The following XRN2 variants were observed in gnomAD, a reference collection of about 807,000 sequenced individuals.
XRN2 encodes the protein DHM1-like protein.
A neutral mutation model predicts 138.5 loss-of-function variants in XRN2; 44 were observed. That is an observed-to-expected ratio of 0.32 (90% confidence interval 0.25 to 0.41). The LOEUF (loss-of-function observed/expected upper bound fraction) is 0.41, where lower values mean the gene tolerates loss of function less well. XRN2 is among the 10% of genes least tolerant of loss of function. The pLI is 1.00. For missense variants in XRN2, 937 were observed against 1,169.3 expected (o/e 0.80, Z 2.90); for synonymous variants, 354 against 369.4 (o/e 0.96, Z 0.48).
chr20:21,374,011 T>A (rs2038790840), intron 27 of XRN2, among the ~76,000 whole-genome samples: 3 of 152,330 alleles, frequency 2.0e-5, no homozygotes, highest in South Asian at 4.1e-4. Flanking sequence ...TTTGTACTCA[T>A]CTTGTAACTT....
At chr20:21,386,493 C>T (rs895936500) in intron 28 of XRN2, among the ~76,000 whole-genome samples, 2 of 152,132 alleles carry the variant, frequency 1.3e-5, no homozygotes, top group Admixed American at 6.5e-5. Flanking sequence ...GAAAATAAAG[C>T]CTCATTCTCC....
At chr20:21,384,371 T>C (rs999763306) in intron 28 of XRN2, among the ~76,000 whole-genome samples, 36 of 152,240 alleles carry the variant, frequency 2.4e-4, no homozygotes, top group African/African-American at 8.2e-4. Flanking sequence ...ATTTAAAATA[T>C]TCAAATTGGT....
intron 15 of XRN2, 82 bp from the exon 16 acceptor site, chr20:21,344,008 G>GT: frequency 1.0e-6 from 1 of 959,692 alleles, no homozygotes; most frequent in Non-Finnish European, 1.6e-6. Context: ...GTGAAACATG[G>GT]TAAGTAGTGG....
rs568796231 is a variant in XRN2 at position 21,327,011 on chromosome 20, A to G, written c.315+410A>G. 2.0e-5 allele frequency among the ~76,000 whole-genome samples: 3 copies of G among 152,284 alleles called. No individual in the cohort carries two copies. In the South Asian group the frequency reaches 6.2e-4, roughly 32 times the overall value. On this transcript the variant is annotated intron_variant, in intron 3 of 29. Transcript: ENST00000377191. ...TTTTGTTCCATTTCTTTAACAATGA[A>G]GAATAATTGGGAGATTGGTGGGTGG...
intron 1 of XRN2, among the ~76,000 whole-genome samples, chr20:21,315,322 A>C (rs1294692884): frequency 6.6e-6 from 1 of 152,358 alleles, no homozygotes; most frequent in Non-Finnish European, 1.5e-5. Flanking sequence ...CACACTTGCC[A>C]ACACTTGTTA....
chr20:21,344,186 C>T lies in XRN2; in HGVS notation c.1507C>T (p.Pro503Ser), dbSNP rs978902553. The T allele has an allele frequency of 1.9e-6, 3 of 1,612,828 alleles. No individual in the cohort carries two copies. Among genetic ancestry groups the T allele is most frequent in the Admixed American group, 1.7e-5 (1 of 59,976 alleles). The part of the protein sequence containing the change: ...KRKAEDSDSE[P>S]EPEDNVRLWE... ...AAAAGCAGAAGACAGTGACAGTGAA[C>T]CTGAGCCAGAGGATAATGTCAGGTG... is the stretch of plus-strand genomic sequence containing the variant. Residue 503 changes from proline (P) to serine (S), a missense_variant, in exon 16 of 30, where the codon CCT becomes TCT. Pro to Ser is a moderately conservative substitution (Grantham distance 74). Coordinates refer to ENST00000377191, the MANE Select transcript of XRN2 (RefSeq NM_012255.5).
chr20:21,338,550 G>C (rs1568579226), intron 13 of XRN2, among the ~76,000 whole-genome samples: 1 of 152,070 alleles, frequency 6.6e-6, no homozygotes, highest in Non-Finnish European at 1.5e-5. Context: ...TTTCTCCATT[G>C]TGCCATGCAT....
chr20:21,332,230 G>A, intron 8 of XRN2, 53 bp from the exon 9 acceptor site: 7 of 1,572,216 alleles, frequency 4.5e-6, no homozygotes, highest in Non-Finnish European at 6.0e-6. Context: ...TTTATGGTAA[G>A]ACTTCTCTCA....
rs115304425 is a variant in XRN2 at position 21,327,480 on chromosome 20, G to A, written c.315+879G>A. Among the ~76,000 whole-genome samples the A allele has an allele frequency of 5.6e-3, 846 of 152,234 alleles. 9 individuals carry two copies. The highest frequency in any genetic ancestry group is 0.019 in the African/African-American group (804 of 41,538). ...GAAGATTAACTTTTCTGTGAGATTC[G>A]TCTTACTCAGTGAAAAACCTTAGCT... On this transcript the variant is annotated intron_variant, in intron 3 of 29. Coordinates refer to ENST00000377191, the MANE Select transcript of XRN2 (RefSeq NM_012255.5).
At chr20:21,348,941 C>T (rs1159750163) in intron 19 of XRN2, among the ~76,000 whole-genome samples, 1 of 152,068 alleles carries the variant, frequency 6.6e-6, no homozygotes, top group Non-Finnish European at 1.5e-5. Context: ...CCGTGCCTGG[C>T]CGGGGAAAAA....
chr20:21,376,743 C>T (rs1027448942), intron 27 of XRN2, among the ~76,000 whole-genome samples: 1 of 152,154 alleles, frequency 6.6e-6, no homozygotes, highest in African/African-American at 2.4e-5. Flanking sequence ...CCTGTGCGTT[C>T]ACTGTGATGC....
chr20:21,312,237 C>T (rs1376729483), intron 1 of XRN2, among the ~76,000 whole-genome samples: 5 of 151,720 alleles, frequency 3.3e-5, no homozygotes, highest in Admixed American at 1.3e-4. Context: ...CTCAGCCTCC[C>T]GAGTAGCTGG....
chr20:21,356,264 T>C, intron 22 of XRN2, 87 bp downstream of exon 22: 3 of 1,013,894 alleles, frequency 3.0e-6, no homozygotes, highest in Non-Finnish European at 4.4e-6. Flanking sequence ...ATTATAACCA[T>C]TTTTAAGTGG....
At chr20:21,365,393 C>A in intron 24 of XRN2, 28 bp from the exon 25 acceptor site, 1 of 1,602,236 alleles carries the variant, frequency 6.2e-7, no homozygotes, top group Non-Finnish European at 8.5e-7. Context: ...ATAATCAGAT[C>A]ATTGAATTGT....
In XRN2 at chr20:21,303,480, A is replaced by C; in HGVS notation, c.75+7A>C. The C allele has an allele frequency of 6.5e-7, 1 of 1,537,896 alleles. No homozygotes were observed. The highest frequency in any genetic ancestry group is 2.6e-5 in the East Asian group (1 of 38,810). ...CAACTGCGTGGAAGAGAAGGTGAGG[A>C]GGCGCCAGGCGGCCGCCACACTCGA... On this transcript the variant is annotated splice_region_variant and intron_variant, in intron 1 of 29. Coordinates refer to ENST00000377191, the MANE Select transcript of XRN2 (RefSeq NM_012255.5).
intron 21 of XRN2, 49 bp from the exon 22 acceptor site, chr20:21,356,031 C>T (rs2038571757): frequency 2.7e-6 from 4 of 1,464,080 alleles, no homozygotes; most frequent in Non-Finnish European, 3.7e-6. Context: ...ATTGGTCTTG[C>T]AGGTACAATT....
chr20:21,332,128 C>T (rs2038219809), intron 8 of XRN2, among the ~76,000 whole-genome samples, 155 bp from the exon 9 acceptor site: 1 of 152,146 alleles, frequency 6.6e-6, no homozygotes, highest in Non-Finnish European at 1.5e-5. Context: ...TTCCTGTTAA[C>T]TGGGAAATGC....
At chr20:21,309,323 C>G (rs1277429407) in intron 1 of XRN2, among the ~76,000 whole-genome samples, 3 of 152,120 alleles carry the variant, frequency 2.0e-5, no homozygotes, top group Non-Finnish European at 2.9e-5. Flanking sequence ...AATTAAGTTT[C>G]TTTAGTTGAT....
intron 4 of XRN2, among the ~76,000 whole-genome samples, 195 bp from the exon 5 acceptor site, chr20:21,330,286 A>G (rs2038189122): frequency 6.6e-6 from 1 of 151,882 alleles, no homozygotes; most frequent in Non-Finnish European, 1.5e-5. Flanking sequence ...TCTGTCTCAA[A>G]TAATAATAAT....
Sources: gnomAD v4.1 joint callset for allele counts (sites outside exome capture counted in the v4.1 genomes callset) on GRCh38, gnomAD v4.1.1 for gene constraint, MANE v1.5 for transcripts, NCBI Gene and HGNC (gene_info 2026-07-23, HGNC 2026-07-21) for gene names.